CABP5: variants seen among roughly 807,000 people sequenced by gnomAD.
CABP5 encodes the protein calcium-binding protein 5.
In CABP5, 17 loss-of-function variants were observed where a neutral mutation model predicts 21.9. The observed-to-expected ratio is 0.78, with a 90% CI of 0.53 to 1.17. CABP5 has a LOEUF of 1.17. CABP5 is among the 50% of genes most tolerant of loss of function. The probability of loss-of-function intolerance (pLI) is 0.00; values close to 1 mark genes in which losing one functional copy is unlikely to be tolerated. For missense variants in CABP5, 229 were observed against 228.9 expected, an observed-to-expected ratio of 1.00 and a Z score of 0.00; for synonymous variants, 85 against 79.4, an observed-to-expected ratio of 1.07 and a Z score of -0.37.
rs1967518298 is a variant in CABP5 at position 48,044,041 on chromosome 19, C to T, written c.-119G>A. 5 of 801,424 alleles carry T rather than the reference C, an allele frequency of 6.2e-6. No homozygotes were observed. The highest frequency in any genetic ancestry group is 3.7e-5 in the Admixed American group (1 of 26,736). The allele number at this position is 801,424 out of a possible 1,614,324, so 49.6% of individuals were successfully genotyped here. ...ACTCCTTTGCCACCTCTTCCTGCCT[C>T]TCTTGGCTTCTCCTTCGGTCCCGGT... On this transcript the variant is annotated 5_prime_UTR_variant, in exon 1 of 6. Coordinates refer to ENST00000293255, the MANE Select transcript of CABP5 (RefSeq NM_019855.5).
intron 1 of CABP5, among the ~76,000 whole-genome samples, chr19:48,042,130 G>A (rs934462009): frequency 1.3e-5 from 2 of 152,126 alleles, no homozygotes; most frequent in African/African-American, 2.4e-5. Context: ...CCTCCCAAGG[G>A]AGGAAGGCAT....
intron 1 of CABP5, among the ~76,000 whole-genome samples, chr19:48,042,495 T>C (rs552424631): frequency 6.6e-6 from 1 of 152,272 alleles, no homozygotes; most frequent in South Asian, 2.1e-4. Flanking sequence ...CATCTCCCTT[T>C]ATCCCTGGAG....
intron 5 of CABP5, among the ~76,000 whole-genome samples, chr19:48,031,606 G>T (rs1967340771): frequency 6.6e-6 from 1 of 152,232 alleles, no homozygotes; most frequent in East Asian, 1.9e-4. Flanking sequence ...ATCCTGGAGG[G>T]ATAAGTGTCA....
chr19:48,034,479 T>G (rs1431476340), intron 4 of CABP5, 117 bp from the exon 5 acceptor site: 2 of 669,430 alleles, frequency 3.0e-6, no homozygotes, highest in African/African-American at 3.7e-5. Context: ...TTTGGGAATG[T>G]GAGCCACTAG....
At chr19:48,043,367 A>G (rs1378545939) in intron 1 of CABP5, among the ~76,000 whole-genome samples, 1 of 150,720 alleles carries the variant, frequency 6.6e-6, no homozygotes, top group Non-Finnish European at 1.5e-5. Flanking sequence ...TCAGAGCTTC[A>G]CTTTCCTCAC....
intron 1 of CABP5, among the ~76,000 whole-genome samples, chr19:48,042,553 T>A (rs1967494056): frequency 6.7e-6 from 1 of 149,518 alleles, no homozygotes; most frequent in Non-Finnish European, 1.5e-5. Context: ...TGCGGTCCCT[T>A]ATCACCCTTT....
chr19:48,033,214 G>C (rs898730366), intron 5 of CABP5, among the ~76,000 whole-genome samples: 1 of 151,914 alleles, frequency 6.6e-6, no homozygotes, highest in African/African-American at 2.4e-5. Context: ...ATGTTGGCCA[G>C]GCTGGTCTCA....
chr19:48,031,902 T>C (rs1967344493), intron 5 of CABP5, among the ~76,000 whole-genome samples: 1 of 144,966 alleles, frequency 6.9e-6, no homozygotes, highest in Admixed American at 7.0e-5. Context: ...CAGCCTCTAC[T>C]GTGTTTCCAT....
At position 48,037,411 on chromosome 19, in the gene CABP5, C is replaced by T. The variant is rs188298060; in HGVS notation, c.348+1797G>A. 1.0e-3 allele frequency among the ~76,000 whole-genome samples: 158 copies of T among 150,660 alleles called. 4 individuals are homozygous for T. The South Asian group carries it at 0.027, about 26-fold the overall frequency. On this transcript the variant is annotated intron_variant, in intron 4 of 5. Transcript: ENST00000293255. Reference sequence around the variant, plus strand: ...AGCCTCCTGAGTACTTGGGATTACACGCATGTACCACCACGCCTAGCTAAT... The same window carrying T: ...AGCCTCCTGAGTACTTGGGATTACATGCATGTACCACCACGCCTAGCTAAT...
Position 48,034,280 on chromosome 19 carries a change from G to T in CABP5, c.431C>A (p.Pro144His), listed in dbSNP as rs114751600. 3 of 1,608,164 alleles carry T rather than the reference G, an allele frequency of 1.9e-6. No homozygotes were observed. The highest frequency in any genetic ancestry group is 1.1e-5 in the South Asian group (1 of 90,282). ...CCGGACAACCTCAGAGATCTCCCGG[G>T]GGGTGAGCCGCTCCCCCAGGAGTCT... Reference protein sequence around the residue: ...MQRLLGERLTPREISEVVREA... With the variant: ...MQRLLGERLTHREISEVVREA... The change falls in exon 5 of 6, where the codon CCC becomes CAC. Residue 144 changes from proline to histidine, a missense_variant. Physicochemically the swap from Pro to His is moderately conservative, Grantham distance 77 (BLOSUM62 -2). Transcript: ENST00000293255.
At chr19:48,034,566 G>A (rs181274235) in intron 4 of CABP5, among the ~76,000 whole-genome samples, 152 of 88,338 alleles carry the variant, frequency 1.7e-3, no homozygotes, top group African/African-American at 6.2e-3. Flanking sequence ...TTTTTTATTT[G>A]AGACAGTCTC....
At chr19:48,032,930 C>G (rs17663523) in intron 5 of CABP5, among the ~76,000 whole-genome samples, 46,052 of 151,500 alleles carry the variant, frequency 0.3, 7,890 homozygotes, top group Non-Finnish European at 0.38. Context: ...TGAGCCCGGC[C>G]AGAATTTTGG....
intron 2 of CABP5, among the ~76,000 whole-genome samples, chr19:48,041,169 GA>G (rs1489970912): frequency 6.7e-6 from 1 of 150,224 alleles, no homozygotes; most frequent in African/African-American, 2.4e-5. Flanking sequence ...CTGGCAACAA[GA>G]GCAAAACTCT....
At chr19:48,042,766 G>A (rs1225678348) in intron 1 of CABP5, among the ~76,000 whole-genome samples, 1 of 151,894 alleles carries the variant, frequency 6.6e-6, no homozygotes, top group Non-Finnish European at 1.5e-5. Flanking sequence ...ATAGAGACAG[G>A]GTTTCACCAT....
chr19:48,033,875 A>G lies in CABP5; in HGVS notation c.496+340T>C, dbSNP rs77900320. Among the ~76,000 whole-genome samples the G allele has an allele frequency of 5.2e-3, 790 of 152,268 alleles. 4 individuals are homozygous for G. Among genetic ancestry groups the G allele is most frequent in the African/African-American group, 0.018 (758 of 41,552 alleles). On this transcript the variant is annotated intron_variant, in intron 5 of 5. Coordinates refer to ENST00000293255, the MANE Select transcript of CABP5 (RefSeq NM_019855.5). Reference sequence around the variant, plus strand: ...CAGAGCTCCAGCTGCTAGCCAGTCCAGTCTCTTTCTGATGGGACAAGTTCT... The same window carrying G: ...CAGAGCTCCAGCTGCTAGCCAGTCCGGTCTCTTTCTGATGGGACAAGTTCT...
At chr19:48,038,106 G>A (rs182099763) in intron 4 of CABP5, among the ~76,000 whole-genome samples, 89 of 152,212 alleles carry the variant, frequency 5.8e-4, no homozygotes, top group African/African-American at 1.8e-3. Flanking sequence ...TAGTAGAGAC[G>A]GGGTTTCAGC....
At chr19:48,040,883 C>CAAAAA (rs1004429775) in intron 2 of CABP5, 135 bp from the exon 3 acceptor site, 3 of 853,984 alleles carry the variant, frequency 3.5e-6, no homozygotes. Context: ...CAAAACAAAA[C>CAAAAA]AAAAAAACCA....
intron 4 of CABP5, among the ~76,000 whole-genome samples, chr19:48,037,404 G>T (rs1195702622): frequency 6.6e-6 from 1 of 150,986 alleles, no homozygotes; most frequent in African/African-American, 2.4e-5. Flanking sequence ...GAGTACTTGG[G>T]ATTACACGCA....
Position 48,030,421 on chromosome 19 carries a change from C to G in CABP5, c.*136G>C, listed in dbSNP as rs1185681809. Reference sequence around the variant, plus strand: ...CTGGGTCTCACCCCATGCACAGCGCCGCATGCCAATGCCCTCCCTCCCGCC... The same window carrying G: ...CTGGGTCTCACCCCATGCACAGCGCGGCATGCCAATGCCCTCCCTCCCGCC... On this transcript the variant is annotated 3_prime_UTR_variant, in exon 6 of 6. Transcript: ENST00000293255. The G allele has an allele frequency of 9.9e-6, 8 of 807,242 alleles. No homozygotes were observed. In the East Asian group the frequency reaches 1.8e-4, roughly 18 times the overall value. 50.0% of individuals were successfully genotyped at this position (807,242 alleles called of 1,614,324 possible).
Sources: allele counts gnomAD v4.1 joint callset (sites outside exome capture counted in the v4.1 genomes callset), GRCh38; gene constraint gnomAD v4.1.1; transcripts MANE v1.5; gene names NCBI Gene and HGNC (gene_info 2026-07-23, HGNC 2026-07-21).